Variants in RNFT2 observed in about 807,000 individuals in gnomAD.
RNFT2 encodes the protein ring finger protein, transmembrane 2.
In RNFT2, 36 loss-of-function variants were observed where a neutral mutation model predicts 53.0. The ratio of observed to expected loss-of-function variants is 0.68; its 90% confidence interval spans 0.52 to 0.90. The LOEUF is 0.90. RNFT2 is among the 40% of genes least tolerant of loss of function. RNFT2 has a pLI of 0.00. For synonymous variants in RNFT2, 260 were observed against 253.2 expected (o/e 1.03, Z -0.26); for missense variants, 514 against 585.6 (o/e 0.88, Z 1.26).
intron 3 of RNFT2, among the ~76,000 whole-genome samples, chr12:116,743,074 C>A (rs1885001478): frequency 1.5e-5 from 1 of 68,430 alleles, no homozygotes; most frequent in Non-Finnish European, 2.7e-5. Flanking sequence ...GAGTGAGACC[C>A]TATCTCAAAA....
At chr12:116,841,858 A>G (rs184768675) in intron 10 of RNFT2, among the ~76,000 whole-genome samples, 2 of 24,448 alleles carry the variant, frequency 8.2e-5, no homozygotes, top group African/African-American at 3.1e-4. Context: ...TATATATAAA[A>G]ATATATATAT....
At chr12:116,775,278 A>G (rs578236180) in intron 6 of RNFT2, among the ~76,000 whole-genome samples, 1,636 of 144,756 alleles carry the variant, frequency 0.011, 37 homozygotes, top group African/African-American at 0.041. Flanking sequence ...AAAAAAAAAA[A>G]AGAGAGAGAG....
chr12:116,852,007 G>T lies in RNFT2; in HGVS notation c.*2559G>T. 7.1e-7 allele frequency: 1 copy of T among 1,401,226 alleles called. No homozygotes were observed. Among genetic ancestry groups the T allele is most frequent in the Non-Finnish European group, 9.5e-7 (1 of 1,056,796 alleles). The allele number at this position is 1,401,226 out of a possible 1,614,324, so 86.8% of individuals were successfully genotyped here. ...TTCCACCAACCAGGGTAGTGGCATG[G>T]AGCACCGTAACCATCTGTGCTTCTG... On this transcript the variant is annotated 3_prime_UTR_variant, in exon 11 of 11. Transcript: ENST00000257575.
intron 4 of RNFT2, among the ~76,000 whole-genome samples, chr12:116,750,837 TATTATATATATATAA>T (rs1872177307): frequency 1.4e-4 from 4 of 28,006 alleles, no homozygotes; most frequent in African/African-American, 3.2e-4. Flanking sequence ...ATAATATATA[TATTATATATATATAA>T]TATATATTAT....
At chr12:116,806,385 T>TAG (rs752640392) in intron 7 of RNFT2, among the ~76,000 whole-genome samples, 1,152 of 108,842 alleles carry the variant, frequency 0.011, 5 homozygotes, top group Non-Finnish European at 0.014. Flanking sequence ...AAAAAAAATA[T>TAG]ATATATATAT....
chr12:116,780,893 A>G (rs1196390117), intron 7 of RNFT2, among the ~76,000 whole-genome samples: 1 of 152,018 alleles, frequency 6.6e-6, no homozygotes, highest in African/African-American at 2.4e-5. Context: ...AGACACATCT[A>G]TGTTCAGATC....
At chr12:116,791,228 T>C (rs1279014085) in intron 7 of RNFT2, among the ~76,000 whole-genome samples, 2 of 152,252 alleles carry the variant, frequency 1.3e-5, no homozygotes, top group African/African-American at 4.8e-5. Context: ...TAATACCCTA[T>C]GTGGCCTTTT....
intron 5 of RNFT2, among the ~76,000 whole-genome samples, chr12:116,759,727 C>G (rs1872625921): frequency 6.6e-6 from 1 of 152,192 alleles, no homozygotes; most frequent in African/African-American, 2.4e-5. Context: ...CTATGGGTCT[C>G]TCAGCCATGG....
chr12:116,743,987 G>T (rs377523917), intron 3 of RNFT2, among the ~76,000 whole-genome samples: 8 of 152,218 alleles, frequency 5.3e-5, no homozygotes, highest in Non-Finnish European at 7.4e-5. Flanking sequence ...AGCACTTTGC[G>T]GGGGTAAGGC....
chr12:116,774,690 G>C (rs540965759), intron 6 of RNFT2, among the ~76,000 whole-genome samples: 92 of 151,640 alleles, frequency 6.1e-4, no homozygotes, highest in Admixed American at 5.3e-3. Flanking sequence ...ACCCATAAAA[G>C]CAATTTGAGG....
intron 3 of RNFT2, among the ~76,000 whole-genome samples, chr12:116,743,576 A>G (rs1234605070): frequency 6.6e-6 from 1 of 151,984 alleles, no homozygotes; most frequent in Non-Finnish European, 1.5e-5. Context: ...CCTAGAATTT[A>G]TATCTATTGA....
intron 7 of RNFT2, among the ~76,000 whole-genome samples, chr12:116,789,728 G>T (rs1035092968): frequency 2.0e-5 from 3 of 148,854 alleles, no homozygotes; most frequent in African/African-American, 7.5e-5. Flanking sequence ...AGAGTAGATG[G>T]ATGGATGGAT....
In RNFT2 at chr12:116,779,207, G is replaced by T; in HGVS notation, c.741G>T (p.Leu247=). The change falls in exon 7 of 11, where the codon CTG becomes CTT. Residue 247 remains leucine (L), a synonymous_variant. Coordinates refer to ENST00000257575, the MANE Select transcript of RNFT2 (RefSeq NM_001382266.1). ...ATCCTCCCCCCAGCCTCATATTCCT[G>T]AAGCCCAACCTGGAGATGCTGGACT... ...SQQLYNSLIF[L]KPNLEMLDFF... 2 of 1,614,000 alleles carry T rather than the reference G, an allele frequency of 1.2e-6. No homozygotes were observed. Among genetic ancestry groups the T allele is most frequent in the Non-Finnish European group, 1.7e-6 (2 of 1,179,888 alleles).
chr12:116,740,594 G>A (rs762455790), intron 2 of RNFT2, 73 bp downstream of exon 2: 5 of 1,378,490 alleles, frequency 3.6e-6, no homozygotes, highest in Non-Finnish European at 5.0e-6. Context: ...GGAAGTTTTG[G>A]TTTGACCACT....
At chr12:116,788,980 G>C (rs1311066394) in intron 7 of RNFT2, among the ~76,000 whole-genome samples, 1 of 141,032 alleles carries the variant, frequency 7.1e-6, no homozygotes, top group Non-Finnish European at 1.5e-5. Flanking sequence ...ATGGATGGAT[G>C]GATGGGTAGA....
intron 7 of RNFT2, among the ~76,000 whole-genome samples, chr12:116,832,148 A>AAATATATATAT (rs1555209702): frequency 1.8e-5 from 1 of 55,172 alleles, no homozygotes; most frequent in Admixed American, 2.7e-4. Flanking sequence ...AAAAAAAAAA[A>AAATATATATAT]ATATATATAT....
chr12:116,750,856 ATAT>A (rs1566069422), intron 4 of RNFT2, among the ~76,000 whole-genome samples: 1 of 14,698 alleles, frequency 6.8e-5, no homozygotes, highest in African/African-American at 5.1e-4. Context: ...TATATAATAT[ATAT>A]TATATATATA....
chr12:116,766,935 C>A, intron 6 of RNFT2, 21 bp downstream of exon 6: 1 of 1,543,272 alleles, frequency 6.5e-7, no homozygotes, highest in East Asian at 2.4e-5. Context: ...GAATCCAACC[C>A]CCACGGTGGG....
chr12:116,783,160 A>T (rs1873788416), intron 7 of RNFT2, among the ~76,000 whole-genome samples: 1 of 152,166 alleles, frequency 6.6e-6, no homozygotes. Flanking sequence ...TTACAGACAA[A>T]GACATTGAGG....
Sources: gnomAD v4.1 joint callset for allele counts (sites outside exome capture counted in the v4.1 genomes callset) on GRCh38, gnomAD v4.1.1 for gene constraint, MANE v1.5 for transcripts, NCBI Gene and HGNC (gene_info 2026-07-23, HGNC 2026-07-21) for gene names.